Variants in IPO7 observed in about 807,000 individuals in gnomAD.
IPO7 encodes the protein importin-7.
Under a neutral mutation model 136.4 loss-of-function variants are expected in IPO7, and 13 were observed. The observed-to-expected ratio is 0.10, with a 90% CI of 0.06 to 0.15. The LOEUF (loss-of-function observed/expected upper bound fraction) is 0.15, where lower values mean the gene tolerates loss of function less well. Among genes scored for constraint, IPO7 ranks in the 10% least tolerant of loss-of-function variants. The pLI is 1.00. For missense variants in IPO7, 857 were observed against 1,240.6 expected, an observed-to-expected ratio of 0.69 and a Z score of 4.65; for synonymous variants, 403 against 404.4, an observed-to-expected ratio of 1.00 and a Z score of 0.04.
chr11:9,437,868 C>T lies in IPO7; in HGVS notation c.2383C>T (p.His795Tyr), dbSNP rs1475599895. ...AATTGCAGCTTTGTATTATAATCCACACCTACTACTCAATACCTTAGAAAA... is the reference window on the plus strand; with the variant it reads ...AATTGCAGCTTTGTATTATAATCCATACCTACTACTCAATACCTTAGAAAA... ...VAIAALYYNP[H>Y]LLLNTLENLR... Residue 795 changes from histidine to tyrosine, a missense_variant, in exon 21 of 25, where the codon CAC becomes TAC. His to Tyr is a moderately conservative substitution (Grantham distance 83, BLOSUM62 2). Coordinates refer to ENST00000379719, the MANE Select transcript of IPO7 (RefSeq NM_006391.3). 6.2e-7 allele frequency: 1 copy of T among 1,613,468 alleles called. No homozygotes were observed.
intron 4 of IPO7, among the ~76,000 whole-genome samples, chr11:9,412,982 C>G (rs2133740524): frequency 6.7e-6 from 1 of 148,720 alleles, no homozygotes; most frequent in Non-Finnish European, 1.5e-5. Context: ...CAGGTTCATG[C>G]CATTCTCCTG....
At chr11:9,397,365 T>TATATATA (rs1564992067) in intron 1 of IPO7, among the ~76,000 whole-genome samples, 15 of 94,748 alleles carry the variant, frequency 1.6e-4, no homozygotes, top group Non-Finnish European at 2.5e-4. Flanking sequence ...TATATATATA[T>TATATATA]TAGTCGGGCA....
intron 15 of IPO7, 127 bp from the exon 16 acceptor site, chr11:9,430,748 A>T (rs1251007474): frequency 7.0e-6 from 5 of 719,352 alleles, no homozygotes; most frequent in Admixed American, 2.8e-5. Context: ...TATTATCATT[A>T]ATCAATTTGG....
At chr11:9,387,318 C>T (rs898543161) in intron 1 of IPO7, among the ~76,000 whole-genome samples, 2 of 152,114 alleles carry the variant, frequency 1.3e-5, no homozygotes, top group African/African-American at 4.8e-5. Flanking sequence ...TAGACAGTTT[C>T]GAAACAAAAT....
intron 1 of IPO7, among the ~76,000 whole-genome samples, chr11:9,397,844 G>A (rs530764250): frequency 6.6e-6 from 1 of 152,030 alleles, no homozygotes; most frequent in East Asian, 1.9e-4. Context: ...TTTCTGTGTT[G>A]TTTTATATAC....
intron 1 of IPO7, among the ~76,000 whole-genome samples, chr11:9,399,029 T>G (rs1412142182): frequency 2.0e-5 from 3 of 152,108 alleles, no homozygotes; most frequent in Non-Finnish European, 4.4e-5. Context: ...AAGGTTTGCT[T>G]AAAGGGGATT....
intron 1 of IPO7, among the ~76,000 whole-genome samples, chr11:9,396,853 C>G (rs1031383252): frequency 4.5e-4 from 68 of 152,082 alleles, no homozygotes; most frequent in African/African-American, 1.6e-3. Context: ...TCCACTTTTA[C>G]AGTATTATGA....
intron 1 of IPO7, among the ~76,000 whole-genome samples, chr11:9,396,784 A>G (rs575865600): frequency 6.6e-6 from 1 of 152,306 alleles, no homozygotes; most frequent in South Asian, 2.1e-4. Context: ...ATAGCATTCT[A>G]TTGTATGTAT....
At chr11:9,423,482 AT>A (rs1855162221) in intron 9 of IPO7, among the ~76,000 whole-genome samples, 1 of 152,186 alleles carries the variant, frequency 6.6e-6, no homozygotes, top group Non-Finnish European at 1.5e-5. Flanking sequence ...CTTACCTGCT[AT>A]TTCTATGAAT....
Position 9,447,171 on chromosome 11 carries a change from G to A in IPO7, c.*1977G>A, listed in dbSNP as rs1855541054. On this transcript the variant is annotated 3_prime_UTR_variant, in exon 25 of 25. Coordinates refer to ENST00000379719, the MANE Select transcript of IPO7 (RefSeq NM_006391.3). ...AAATTTTCAGACTTCACTGCTTTTT[G>A]AATTCATAATTCTAATTTTCACATT... The A allele has an allele frequency of 6.6e-6, 1 of 152,038 alleles. No individual in the cohort carries two copies. Among genetic ancestry groups the A allele is most frequent in the Admixed American group, 6.5e-5 (1 of 15,272 alleles). 9.4% of individuals were successfully genotyped at this position (152,038 alleles called of 1,614,324 possible).
At position 9,447,397 on chromosome 11, in the gene IPO7, T is replaced by A. The variant is rs1855543870; in HGVS notation, c.*2203T>A. On this transcript the variant is annotated 3_prime_UTR_variant, in exon 25 of 25. Coordinates refer to ENST00000379719, the MANE Select transcript of IPO7 (RefSeq NM_006391.3). ...TTGAAATTAGACCTTATAATTAAAC[T>A]ATTTAAATAGTGTTCAAATGATAGT... 1 of 152,326 alleles carries A rather than the reference T, an allele frequency of 6.6e-6. No homozygotes were observed. Among genetic ancestry groups the A allele is most frequent in the South Asian group, 2.1e-4 (1 of 4,828 alleles). The allele number at this position is 152,326 out of a possible 1,614,324, so 9.4% of individuals were successfully genotyped here.
intron 18 of IPO7, 54 bp from the exon 19 acceptor site, chr11:9,434,880 A>C: frequency 8.2e-7 from 1 of 1,219,998 alleles, no homozygotes; most frequent in Non-Finnish European, 1.2e-6. Flanking sequence ...TTCAAAAGCA[A>C]AGAAAGCATT....
intron 24 of IPO7, among the ~76,000 whole-genome samples, chr11:9,443,820 A>T (rs1855491511): frequency 1.3e-5 from 2 of 151,912 alleles, no homozygotes; most frequent in Admixed American, 1.3e-4. Context: ...GGATCACTTG[A>T]ATGTGGGAGG....
chr11:9,439,971 C>G (rs1043109753), intron 22 of IPO7, among the ~76,000 whole-genome samples: 1 of 152,168 alleles, frequency 6.6e-6, no homozygotes, highest in African/African-American at 2.4e-5. Context: ...TCTATTAATT[C>G]TAAAACCTAA....
intron 2 of IPO7, among the ~76,000 whole-genome samples, chr11:9,405,702 C>T (rs1443438732): frequency 2.6e-5 from 4 of 152,330 alleles, no homozygotes; most frequent in South Asian, 2.1e-4. Flanking sequence ...GGATTATGGG[C>T]GTGAGCCACC....
chr11:9,413,095 G>T (rs1292198346), intron 4 of IPO7, among the ~76,000 whole-genome samples: 3 of 152,016 alleles, frequency 2.0e-5, no homozygotes, highest in African/African-American at 4.8e-5. Context: ...AGCCAGGATG[G>T]TCTTGATCTC....
At chr11:9,431,946 G>C (rs1213404668) in intron 16 of IPO7, among the ~76,000 whole-genome samples, 4 of 152,158 alleles carry the variant, frequency 2.6e-5, no homozygotes, top group Admixed American at 2.6e-4. Flanking sequence ...CTGCACTCCA[G>C]CCTGGGCGAC....
intron 14 of IPO7, among the ~76,000 whole-genome samples, chr11:9,429,443 C>T (rs1257397016): frequency 6.6e-6 from 1 of 151,898 alleles, no homozygotes; most frequent in Admixed American, 6.6e-5. Context: ...CGGTTCGAGG[C>T]TGCAGTGTGC....
intron 5 of IPO7, among the ~76,000 whole-genome samples, chr11:9,416,737 A>G (rs188877287): frequency 1.3e-5 from 2 of 152,260 alleles, no homozygotes; most frequent in Admixed American, 1.3e-4. Flanking sequence ...TTAAATAACC[A>G]TGTCTGCTTT....
Sources: allele counts gnomAD v4.1 joint callset (sites outside exome capture counted in the v4.1 genomes callset), GRCh38; gene constraint gnomAD v4.1.1; transcripts MANE v1.5; gene names NCBI Gene and HGNC (gene_info 2026-07-23, HGNC 2026-07-21).